Variants in ESRRG observed in about 807,000 individuals in gnomAD.
ESRRG encodes estrogen-related receptor gamma.
A neutral mutation model predicts 44.0 loss-of-function variants in ESRRG; 13 were observed. The ratio of observed to expected loss-of-function variants is 0.30; its 90% CI spans 0.19 to 0.47. ESRRG has a LOEUF of 0.47. ESRRG is among the 20% of genes least tolerant of loss of function. The probability of loss-of-function intolerance (pLI) is 1.00; values close to 1 mark genes in which losing one functional copy is unlikely to be tolerated. For missense variants in ESRRG, 395 were observed against 580.6 expected (o/e 0.68, Z 3.29); for synonymous variants, 215 against 214.6 (o/e 1.00, Z -0.02).
intron 2 of ESRRG, among the ~76,000 whole-genome samples, chr1:216,820,315 GA>G (rs990097689): frequency 6.6e-6 from 1 of 151,992 alleles, no homozygotes; most frequent in Non-Finnish European, 1.5e-5. Context: ...TTAAAGACAT[GA>G]AATAGCTTGA....
chr1:217,027,317 C>G (rs898015202), intron 1 of ESRRG, among the ~76,000 whole-genome samples: 1 of 152,098 alleles, frequency 6.6e-6, no homozygotes, highest in East Asian at 1.9e-4. Context: ...ACAAGCACCC[C>G]CTTAGAGAAG....
chr1:216,525,891 G>T lies in ESRRG; in HGVS notation c.863-6470C>A, dbSNP rs979565247. Reference sequence around the variant, plus strand: ...GTCCATAGAAAACCAGTCCCACTTTGGAACCAGATATCTAAACACTATCCT... The same window carrying T: ...GTCCATAGAAAACCAGTCCCACTTTTGAACCAGATATCTAAACACTATCCT... On this transcript the variant is annotated intron_variant, in intron 5 of 6. Transcript: ENST00000408911. 5.9e-5 allele frequency among the ~76,000 whole-genome samples: 9 copies of T among 152,202 alleles called. No individual in the cohort carries two copies. In the East Asian group the frequency reaches 1.6e-3, roughly 26 times the overall value.
intron 1 of ESRRG, among the ~76,000 whole-genome samples, chr1:217,029,426 A>C (rs2081709887): frequency 6.6e-6 from 1 of 152,190 alleles, no homozygotes; most frequent in African/African-American, 2.4e-5. Context: ...AAAATTCACT[A>C]AGTAGGGAGG....
At chr1:217,006,935 T>C (rs921040777) in intron 1 of ESRRG, among the ~76,000 whole-genome samples, 3 of 152,166 alleles carry the variant, frequency 2.0e-5, no homozygotes, top group Non-Finnish European at 4.4e-5. Context: ...TGCTGTTTTA[T>C]TTATTGCCAT....
intron 1 of ESRRG, among the ~76,000 whole-genome samples, chr1:217,131,506 ATG>A (rs1316255974): frequency 6.6e-6 from 1 of 152,252 alleles, no homozygotes; most frequent in East Asian, 1.9e-4. Context: ...TATCTGGTTC[ATG>A]TGCTGTTATT....
intron 1 of ESRRG, among the ~76,000 whole-genome samples, chr1:217,025,126 G>A (rs555447558): frequency 1.3e-5 from 2 of 152,154 alleles, no homozygotes; most frequent in Non-Finnish European, 2.9e-5. Context: ...AGCTGTGCTC[G>A]ATAAGTCCCA....
chr1:216,608,130 A>G (rs1013757251), intron 3 of ESRRG, among the ~76,000 whole-genome samples: 6 of 152,226 alleles, frequency 3.9e-5, no homozygotes, highest in African/African-American at 1.4e-4. Context: ...TATATGAGAC[A>G]CAGACAAATC....
intron 1 of ESRRG, among the ~76,000 whole-genome samples, chr1:217,054,773 C>A (rs1193774467): frequency 1.3e-5 from 2 of 151,314 alleles, no homozygotes; most frequent in African/African-American, 4.9e-5. Flanking sequence ...AAAAAAAAAA[C>A]ACAGATGAGA....
chr1:217,122,734 G>A (rs1488738997), intron 1 of ESRRG, among the ~76,000 whole-genome samples: 5 of 141,430 alleles, frequency 3.5e-5, no homozygotes, highest in South Asian at 2.2e-4. Flanking sequence ...ACAATGGCTC[G>A]ATCTCAGCTC....
chr1:216,650,977 T>C lies in ESRRG; in HGVS notation c.585A>G (p.Lys195=). Residue 195 remains lysine (K), a synonymous_variant, in exon 3 of 7, where the codon AAA becomes AAG. Coordinates refer to ENST00000408911, the MANE Select transcript of ESRRG (RefSeq NM_001438.4). Reference sequence around the variant, plus strand: ...GGCACTAGCAAAGAGCCTTACCTTCTTTCAGCATGCCCACTTTTAAACACT... The same window carrying C: ...GGCACTAGCAAAGAGCCTTACCTTCCTTCAGCATGCCCACTTTTAAACACT... The part of the protein sequence containing the change: ...FMKCLKVGML[K]EGVRLDRVRG... 6.2e-7 allele frequency: 1 copy of C among 1,603,328 alleles called. No individual in the cohort carries two copies. The highest frequency in any genetic ancestry group is 8.5e-7 in the Non-Finnish European group (1 of 1,170,230).
chr1:217,026,015 T>C (rs2081122668), intron 1 of ESRRG, among the ~76,000 whole-genome samples: 1 of 152,170 alleles, frequency 6.6e-6, no homozygotes, highest in Non-Finnish European at 1.5e-5. Context: ...ACTAAGCCCA[T>C]GACCCCCAGC....
intron 2 of ESRRG, among the ~76,000 whole-genome samples, chr1:216,733,767 G>A (rs1335162839): frequency 6.6e-6 from 1 of 151,930 alleles, no homozygotes; most frequent in Non-Finnish European, 1.5e-5. Flanking sequence ...GAGGGGGGCG[G>A]ATCACCTGAA....
At chr1:216,822,295 T>C (rs571744286) in intron 2 of ESRRG, among the ~76,000 whole-genome samples, 1 of 152,270 alleles carries the variant, frequency 6.6e-6, no homozygotes, top group South Asian at 2.1e-4. Flanking sequence ...TACTCTCTAA[T>C]TAAAGTCTGA....
intron 1 of ESRRG, among the ~76,000 whole-genome samples, chr1:217,128,189 A>C (rs2102525203): frequency 6.6e-6 from 1 of 152,322 alleles, no homozygotes; most frequent in East Asian, 1.9e-4. Flanking sequence ...TTACTCAATA[A>C]CTAACTAATT....
chr1:217,025,123 C>T (rs2080981088), intron 1 of ESRRG, among the ~76,000 whole-genome samples: 1 of 152,126 alleles, frequency 6.6e-6, no homozygotes, highest in Non-Finnish European at 1.5e-5. Flanking sequence ...AACAGCTGTG[C>T]TCGATAAGTC....
chr1:216,968,933 T>C (rs2071046641), intron 1 of ESRRG, among the ~76,000 whole-genome samples: 1 of 152,170 alleles, frequency 6.6e-6, no homozygotes, highest in Non-Finnish European at 1.5e-5. Context: ...CATATTTTCT[T>C]AGATTTATAC....
At chr1:217,112,310 T>A (rs547984224) in intron 1 of ESRRG, among the ~76,000 whole-genome samples, 1 of 152,142 alleles carries the variant, frequency 6.6e-6, no homozygotes, top group Non-Finnish European at 1.5e-5. Context: ...TCTACAACAA[T>A]GGCTTTGGGA....
chr1:216,895,944 T>C (rs2058363925), intron 2 of ESRRG, among the ~76,000 whole-genome samples: 1 of 152,230 alleles, frequency 6.6e-6, no homozygotes, highest in Admixed American at 6.5e-5. Context: ...GCTTTCTCTT[T>C]AACTAGAGAT....
chr1:216,842,548 TCC>T (rs1443211135), intron 2 of ESRRG, among the ~76,000 whole-genome samples: 2 of 152,140 alleles, frequency 1.3e-5, no homozygotes, highest in African/African-American at 4.8e-5. Context: ...CACTTCTCTC[TCC>T]AATCCATAGT....
Sources: allele counts gnomAD v4.1 joint callset (sites outside exome capture counted in the v4.1 genomes callset), GRCh38; gene constraint gnomAD v4.1.1; transcripts MANE v1.5; gene names NCBI Gene and HGNC (gene_info 2026-07-23, HGNC 2026-07-21).